FGD6: variants seen among roughly 807,000 people sequenced by gnomAD.
FGD6 encodes FYVE, RhoGEF and PH domain containing 6.
A neutral mutation model predicts 149.4 loss-of-function variants in FGD6; 90 were observed. The observed-to-expected ratio is 0.60, with a 90% CI of 0.51 to 0.72. The LOEUF is 0.72. Among genes scored for constraint, FGD6 ranks in the 30% least tolerant of loss-of-function variants. The probability of loss-of-function intolerance (pLI) is 0.00; values close to 1 mark genes in which losing one functional copy is unlikely to be tolerated. For synonymous variants in FGD6, 527 were observed against 584.0 expected (o/e 0.90, Z 1.41); for missense variants, 1,437 against 1,684.8 (o/e 0.85, Z 2.57).
intron 3 of FGD6, among the ~76,000 whole-genome samples, chr12:95,155,173 T>C (rs1880429082): frequency 6.6e-6 from 1 of 152,176 alleles, no homozygotes; most frequent in Non-Finnish European, 1.5e-5. Context: ...GATGTTCAAG[T>C]GAATAAATGA....
In FGD6 at chr12:95,077,550, C is replaced by T. The variant is rs1225636162; in HGVS notation, c.*3970G>A. 1 of 152,180 alleles carries T rather than the reference C, an allele frequency of 6.6e-6. No homozygotes were observed. Among genetic ancestry groups the T allele is most frequent in the Non-Finnish European group, 1.5e-5 (1 of 68,048 alleles). 9.4% of individuals were successfully genotyped at this position (152,180 alleles called of 1,614,324 possible). A position where few individuals can be genotyped will look rare whatever the true frequency, so the allele number is the denominator to read the frequency against. On this transcript the variant is annotated 3_prime_UTR_variant, in exon 21 of 21. Coordinates refer to ENST00000343958, the MANE Select transcript of FGD6 (RefSeq NM_018351.4). ...CCATGCCAAGTCACTGGGAAAGCCACTGAGGCATGTAAAAGTGGGGATGAA... is the reference window on the plus strand; with the variant it reads ...CCATGCCAAGTCACTGGGAAAGCCATTGAGGCATGTAAAAGTGGGGATGAA...
chr12:95,164,406 A>G (rs1195420141), intron 3 of FGD6, among the ~76,000 whole-genome samples: 1 of 151,294 alleles, frequency 6.6e-6, no homozygotes, highest in East Asian at 1.9e-4. Flanking sequence ...TGTGTTCACT[A>G]CAAGTGACAT....
chr12:95,145,061 T>A (rs927606347), intron 5 of FGD6, among the ~76,000 whole-genome samples: 2 of 143,056 alleles, frequency 1.4e-5, no homozygotes, highest in Admixed American at 7.3e-5. Context: ...CGATCTCAGC[T>A]CACTGCAACC....
chr12:95,137,446 A>G (rs1592847557), intron 7 of FGD6, 76 bp downstream of exon 7: 1 of 1,282,314 alleles, frequency 7.8e-7, no homozygotes, highest in East Asian at 2.6e-5. Context: ...CTTTGTTTTC[A>G]ATGACTGCAA....
intron 3 of FGD6, among the ~76,000 whole-genome samples, chr12:95,155,234 A>C (rs1376850178): frequency 6.6e-6 from 1 of 152,240 alleles, no homozygotes; most frequent in African/African-American, 2.4e-5. Context: ...GATTTTTAAA[A>C]ACTGTAATCA....
Position 95,209,147 on chromosome 12 carries a change from C to T in FGD6, c.2137G>A (p.Ala713Thr). ...GACTCAGCTCTCAGACCATTAGCTG[C>T]ACTGGTCTGGCCCCGAGACTTCTTC... ...KRKKSRGQTS[A>T]ANGLRAESLD... The change falls in exon 2 of 21, where the codon GCA becomes ACA. Residue 713 changes from alanine (A) to threonine (T), a missense_variant. This residue lies in a region of FGD6 where 1,055 missense variants were observed against 1,146.0 expected (regional missense o/e 0.92). Transcript: ENST00000343958. 5 of 1,614,150 alleles carry T rather than the reference C, an allele frequency of 3.1e-6. No individual in the cohort carries two copies. The highest frequency in any genetic ancestry group is 4.2e-6 in the Non-Finnish European group (5 of 1,180,014).
At chr12:95,154,128 T>A (rs1880398412) in intron 3 of FGD6, among the ~76,000 whole-genome samples, 2 of 152,008 alleles carry the variant, frequency 1.3e-5, no homozygotes. Flanking sequence ...CCTGGCTAAT[T>A]TTTTTGTACT....
intron 3 of FGD6, among the ~76,000 whole-genome samples, chr12:95,165,064 A>C (rs1880765895): frequency 1.3e-5 from 2 of 152,206 alleles, no homozygotes; most frequent in South Asian, 4.1e-4. Flanking sequence ...CAAGCATTTA[A>C]GCCCTGAAAG....
chr12:95,208,901 C>A lies in FGD6; in HGVS notation c.2383G>T (p.Glu795Ter). 1 of 1,614,116 alleles carries A rather than the reference C, an allele frequency of 6.2e-7. No homozygotes were observed. Among genetic ancestry groups the A allele is most frequent in the Non-Finnish European group, 8.5e-7 (1 of 1,180,022 alleles). Reference sequence around the variant, plus strand: ...TGGCCATCTGGAGCTTCATACGGCTCTTCTACCTCATACACATTTGCATCA... The same window carrying A: ...TGGCCATCTGGAGCTTCATACGGCTATTCTACCTCATACACATTTGCATCA... ...DADANVYEVE[E>*]PYEAPDGQLQ... The change falls in exon 2 of 21, where the codon GAG becomes TAG. Residue 795 changes from glutamate to a stop codon, truncating the protein, a stop_gained. Transcript: ENST00000343958. LOFTEE classifies it high-confidence loss of function.
chr12:95,104,325 A>C (rs1258890019), intron 14 of FGD6, among the ~76,000 whole-genome samples: 1 of 152,198 alleles, frequency 6.6e-6, no homozygotes, highest in African/African-American at 2.4e-5. Context: ...ATAGGCCGGC[A>C]CAGTGACTCA....
intron 14 of FGD6, among the ~76,000 whole-genome samples, chr12:95,103,098 G>A (rs774304088): frequency 1.3e-5 from 2 of 152,204 alleles, no homozygotes; most frequent in African/African-American, 2.4e-5. Flanking sequence ...TCCTGGCTCT[G>A]CTAGTATAGC....
intron 8 of FGD6, among the ~76,000 whole-genome samples, chr12:95,123,057 A>AG (rs1879238450): frequency 6.6e-6 from 1 of 151,640 alleles, no homozygotes. Flanking sequence ...TCTGTCAAAA[A>AG]AAAAAAAAGC....
rs1324810919 is a variant in FGD6, at chr12:95,209,028, G to C, written c.2256C>G (p.Arg752=). 2 of 1,613,994 alleles carry C rather than the reference G, an allele frequency of 1.2e-6. No homozygotes were observed. Among genetic ancestry groups the C allele is most frequent in the Admixed American group, 3.3e-5 (2 of 59,982 alleles). ...SLCAPEYENI[R]HYEEIPEYEN... is the part of the protein sequence containing the mutation. ...CGTACTCTGGTATTTCCTCATAATG[G>C]CGTATATTTTCATACTCCGGTGCAC... The change falls in exon 2 of 21, where the codon CGC becomes CGG. Residue 752 remains arginine (R), a synonymous_variant. Transcript: ENST00000343958.
At chr12:95,106,754 C>A (rs1222219477) in intron 13 of FGD6, among the ~76,000 whole-genome samples, 200 bp downstream of exon 13, 1 of 151,912 alleles carries the variant, frequency 6.6e-6, no homozygotes, top group South Asian at 2.1e-4. Flanking sequence ...ATTAGCCAGG[C>A]GTGGTGGTGG....
At chr12:95,204,961 A>G (rs910853766) in intron 2 of FGD6, among the ~76,000 whole-genome samples, 1 of 152,200 alleles carries the variant, frequency 6.6e-6, no homozygotes, top group South Asian at 2.1e-4. Flanking sequence ...AATTGTAAAC[A>G]TGTTGTTATA....
chr12:95,140,197 A>G (rs1205368524), intron 6 of FGD6, among the ~76,000 whole-genome samples: 1 of 152,114 alleles, frequency 6.6e-6, no homozygotes, highest in Non-Finnish European at 1.5e-5. Context: ...TCAACAGTAA[A>G]TTCAATCCTC....
intron 8 of FGD6, among the ~76,000 whole-genome samples, chr12:95,121,282 A>T (rs550146681): frequency 8.4e-4 from 128 of 151,694 alleles, no homozygotes; most frequent in African/African-American, 2.9e-3. Context: ...TCTACTGAAA[A>T]TACAAAAAAT....
chr12:95,098,361 T>A (rs1400086940), intron 14 of FGD6, among the ~76,000 whole-genome samples: 1 of 152,182 alleles, frequency 6.6e-6, no homozygotes, highest in Non-Finnish European at 1.5e-5. Flanking sequence ...GGATACTCTT[T>A]AAAAAATGCC....
rs931675168 is a variant in FGD6 at position 95,115,487 on chromosome 12, T to TA, written c.3083-1787dup. On this transcript the variant is annotated intron_variant, in intron 8 of 20. Transcript: ENST00000343958. ...CTGGCCTCAAGCAATCCTCCTGCCT[T>TA]AGCCTACCAAAGTGCTGGAATTACA... 2.0e-5 allele frequency among the ~76,000 whole-genome samples: 3 copies of TA among 151,096 alleles called. No homozygotes were observed. In the Admixed American group the frequency reaches 2.0e-4, roughly 10 times the overall value.
Sources: gnomAD v4.1 joint callset for allele counts (sites outside exome capture counted in the v4.1 genomes callset) on GRCh38, gnomAD v4.1.1 for gene constraint, gnomAD v4.1.1 regional missense constraint, MANE v1.5 for transcripts, NCBI Gene and HGNC (gene_info 2026-07-23, HGNC 2026-07-21) for gene names.